The following CASK variants were observed in gnomAD, a reference collection of about 807,000 sequenced individuals.
The protein encoded by CASK is peripheral plasma membrane protein CASK.
A neutral mutation model predicts 82.9 loss-of-function variants in CASK; 4 were observed. The observed-to-expected ratio is 0.05, with a 90% confidence interval of 0.02 to 0.11. CASK has a LOEUF of 0.11. Ranked by LOEUF, CASK falls within the 10% of genes least tolerant of loss-of-function variation. The pLI is 1.00. For synonymous variants in CASK, 259 were observed against 253.5 expected (o/e 1.02, Z -0.20); for missense variants, 358 against 720.9 (o/e 0.50, Z 5.76).
intron 8 of CASK, among the ~76,000 whole-genome samples, chrX:41,640,917 AT>A (rs1275861395): frequency 9.2e-6 from 1 of 108,788 alleles, no homozygotes; most frequent in African/African-American, 3.4e-5. Flanking sequence ...TATGATATCA[AT>A]TATTTTCTAA....
chrX:41,729,944 G>T (rs2068360500), intron 5 of CASK: 1 of 114,901 alleles, frequency 8.7e-6, no homozygotes, highest in African/African-American at 3.5e-5. Flanking sequence ...GACAAATGAT[G>T]GTGACTATAT....
At chrX:41,787,046 T>C in intron 3 of CASK, 132 bp downstream of exon 3, 1 of 509,974 alleles carries the variant, frequency 2.0e-6, no homozygotes, top group Middle Eastern at 4.7e-4. Flanking sequence ...AATCCTTTTT[T>C]CTTGTGACTT....
chrX:41,727,909 A>T (rs1367515236), intron 5 of CASK: 1 of 1,203,684 alleles, frequency 8.3e-7, no homozygotes, highest in African/African-American at 1.7e-5. Flanking sequence ...AAACATTCTC[A>T]CCTGTCTTGC....
chrX:41,892,065 T>A (rs1250060277), intron 1 of CASK, among the ~76,000 whole-genome samples: 2 of 109,916 alleles, frequency 1.8e-5, no homozygotes, highest in Non-Finnish European at 3.8e-5. Context: ...TGCTGGCACA[T>A]ACCTGTAGTC....
At position 41,788,289 on chromosome X, in the gene CASK, A is replaced by G. The variant is rs781737628; in HGVS notation, c.173-1006T>C. Among the ~76,000 whole-genome samples the G allele has an allele frequency of 2.7e-5, 3 of 110,987 alleles. No homozygotes were observed. In the South Asian group the frequency reaches 1.2e-3, roughly 43 times the overall value. ...AACTCTATAATACTATTTGGAAAAC[A>G]AAGTTGTTAATATCATCATCATCAT... On this transcript the variant is annotated intron_variant, in intron 2 of 26. Coordinates refer to ENST00000378163, the MANE Select transcript of CASK (RefSeq NM_001367721.1).
chrX:41,768,799 C>T (rs2069160960), intron 3 of CASK, among the ~76,000 whole-genome samples: 1 of 111,240 alleles, frequency 9.0e-6, no homozygotes, highest in East Asian at 2.8e-4. Context: ...GAGAGCCCAT[C>T]TCTATTAAAA....
chrX:41,631,786 T>TA (rs901196512), intron 9 of CASK, among the ~76,000 whole-genome samples: 15 of 111,457 alleles, frequency 1.3e-4, no homozygotes, highest in Non-Finnish European at 2.3e-4. Context: ...ATGTATTTCT[T>TA]AAAAAAAATC....
At chrX:41,728,055 C>T (rs777204082) in intron 5 of CASK, 2 of 962,672 alleles carry the variant, frequency 2.1e-6, no homozygotes, top group Non-Finnish European at 2.8e-6. Flanking sequence ...ATGGAAAACC[C>T]CACAATATTA....
At chrX:41,530,110 G>A (rs2064778830) in intron 25 of CASK, among the ~76,000 whole-genome samples, 1 of 111,049 alleles carries the variant, frequency 9.0e-6, no homozygotes, top group Non-Finnish European at 1.9e-5. Flanking sequence ...TATTTCTAAG[G>A]GTTAAAGGAG....
At chrX:41,574,749 G>A (rs571023796) in intron 15 of CASK, among the ~76,000 whole-genome samples, 6 of 111,866 alleles carry the variant, frequency 5.4e-5, no homozygotes, top group African/African-American at 1.9e-4. Context: ...GCTGGAAAGT[G>A]GCCTTGAATT....
intron 4 of CASK, among the ~76,000 whole-genome samples, chrX:41,742,971 C>A (rs890375119): frequency 1.4e-4 from 16 of 112,062 alleles, no homozygotes; most frequent in African/African-American, 4.5e-4. Context: ...ACAGCTTATA[C>A]AGGTGGCTTT....
chrX:41,617,388 T>G (rs780538980), intron 11 of CASK, among the ~76,000 whole-genome samples: 5 of 112,464 alleles, frequency 4.4e-5, no homozygotes, highest in African/African-American at 9.7e-5. Flanking sequence ...GTTGTCTATT[T>G]CAAGCTCTGA....
intron 5 of CASK, among the ~76,000 whole-genome samples, chrX:41,730,634 T>A (rs1432324410): frequency 9.0e-6 from 1 of 111,173 alleles, no homozygotes; most frequent in Non-Finnish European, 1.9e-5. Context: ...GACATGTAAA[T>A]CATAGAGTAA....
intron 2 of CASK, among the ~76,000 whole-genome samples, chrX:41,846,177 G>C (rs1314646466): frequency 1.8e-5 from 2 of 111,436 alleles, no homozygotes; most frequent in Non-Finnish European, 3.8e-5. Flanking sequence ...CAACCTAAGT[G>C]TCCATCAACA....
intron 2 of CASK, among the ~76,000 whole-genome samples, chrX:41,823,053 T>C (rs1353785628): frequency 1.1e-4 from 11 of 102,135 alleles, no homozygotes; most frequent in Non-Finnish European, 2.0e-4. Context: ...GGGAGGGGCC[T>C]TGAGGCAGCC....
intron 1 of CASK, among the ~76,000 whole-genome samples, chrX:41,859,357 C>T (rs985269111): frequency 9.0e-6 from 1 of 111,593 alleles, no homozygotes; most frequent in African/African-American, 3.3e-5. Context: ...TCTGTAAATT[C>T]GCCTACTTGG....
At chrX:41,832,878 C>T (rs1307688294) in intron 2 of CASK, among the ~76,000 whole-genome samples, 1 of 111,964 alleles carries the variant, frequency 8.9e-6, no homozygotes, top group Non-Finnish European at 1.9e-5. Flanking sequence ...CTTAGGAATA[C>T]TAGACAGCAC....
intron 1 of CASK, among the ~76,000 whole-genome samples, chrX:41,874,399 C>T (rs1056422798): frequency 9.0e-6 from 1 of 111,400 alleles, no homozygotes; most frequent in African/African-American, 3.3e-5. Flanking sequence ...TGTTTAGCTC[C>T]CACTTATATG....
chrX:41,570,010 C>CTTTTTTTTTTTTTT (rs397937722), intron 15 of CASK, among the ~76,000 whole-genome samples: 33 of 70,604 alleles, frequency 4.7e-4, no homozygotes, highest in Admixed American at 1.3e-3. Context: ...TTTCTTTTTT[C>CTTTTTTTTTTTTTT]TTTTTTTTTT....
Sources: gnomAD v4.1 joint callset for allele counts (sites outside exome capture counted in the v4.1 genomes callset) on GRCh38, gnomAD v4.1.1 for gene constraint, MANE v1.5 for transcripts, NCBI Gene and HGNC (gene_info 2026-07-23, HGNC 2026-07-21) for gene names.